Variants in ANKRD11 observed in about 807,000 individuals in gnomAD.
ANKRD11 encodes ankyrin repeat domain 11, also known as ankyrin repeat domain-containing protein 11.
In ANKRD11, 17 loss-of-function variants were observed where a neutral mutation model predicts 195.7. The ratio of observed to expected loss-of-function variants is 0.09; its 90% CI spans 0.06 to 0.13. The LOEUF is 0.13. Among genes scored for constraint, ANKRD11 ranks in the 10% least tolerant of loss-of-function variants. The probability of loss-of-function intolerance (pLI) is 1.00; values close to 1 mark genes in which losing one functional copy is unlikely to be tolerated. For synonymous variants in ANKRD11, 1,953 were observed against 1,528.1 expected (o/e 1.28, Z -6.49); for missense variants, 3,735 against 3,566.1 (o/e 1.05, Z -1.21).
chr16:89,297,903 A>T (rs2035552746), intron 4 of ANKRD11: 1 of 152,296 alleles, frequency 6.6e-6, no homozygotes, highest in African/African-American at 2.4e-5. Context: ...GAGCTGGGTC[A>T]TCTCTTACGC....
At chr16:89,344,438 C>T (rs1414284051) in intron 2 of ANKRD11, among the ~76,000 whole-genome samples, 1 of 152,224 alleles carries the variant, frequency 6.6e-6, no homozygotes, top group East Asian at 1.9e-4. Flanking sequence ...CGGGCCACTG[C>T]TGTCCACACA....
At chr16:89,381,388 T>A (rs948987668) in intron 2 of ANKRD11, among the ~76,000 whole-genome samples, 1 of 148,192 alleles carries the variant, frequency 6.7e-6, no homozygotes, top group African/African-American at 2.5e-5. Flanking sequence ...TTCAGACTAT[T>A]AGAAGCAAGA....
chr16:89,432,941 CCTATCTCTCTCTCT>C (rs1191678903), intron 1 of ANKRD11, among the ~76,000 whole-genome samples: 4 of 50,548 alleles, frequency 7.9e-5, no homozygotes, highest in African/African-American at 1.7e-4. Context: ...TGACAGAGAC[CCTATCTCTCTCTCT>C]CTCTCTCTCT....
chr16:89,295,095 G>A (rs984706864), intron 4 of ANKRD11, among the ~76,000 whole-genome samples: 1 of 152,214 alleles, frequency 6.6e-6, no homozygotes, highest in Non-Finnish European at 1.5e-5. Flanking sequence ...GACTAAGTGC[G>A]GCTACAGCAC....
chr16:89,288,928 G>A (rs1783149255), intron 6 of ANKRD11: 5 of 585,604 alleles, frequency 8.5e-6, no homozygotes, highest in Non-Finnish European at 1.2e-5. Context: ...CTAATCTGCG[G>A]CAATCACCCT....
intron 2 of ANKRD11, among the ~76,000 whole-genome samples, chr16:89,345,507 G>A (rs2038898895): frequency 6.6e-6 from 1 of 152,212 alleles, no homozygotes; most frequent in Non-Finnish European, 1.5e-5. Flanking sequence ...AGGCCCTCCA[G>A]TGGCCCCAGG....
chr16:89,473,593 G>C (rs759107455), intron 1 of ANKRD11, among the ~76,000 whole-genome samples: 8 of 152,230 alleles, frequency 5.3e-5, no homozygotes, highest in Non-Finnish European at 1.0e-4. Flanking sequence ...GTCCGGGAAT[G>C]CATGCAAATG....
At chr16:89,335,317 G>C (rs1169675874) in intron 2 of ANKRD11, among the ~76,000 whole-genome samples, 1 of 152,198 alleles carries the variant, frequency 6.6e-6, no homozygotes, top group South Asian at 2.1e-4. Flanking sequence ...GCTGCACAGA[G>C]GGCTCCAGTT....
Position 89,282,287 on chromosome 16 carries a change from T to C in ANKRD11, c.4255A>G (p.Thr1419Ala). Residue 1419 changes from threonine to alanine, a missense_variant, in exon 9 of 13, where the codon ACC becomes GCC. By Grantham distance (58) the Thr-to-Ala change is moderately conservative. Coordinates refer to ENST00000301030, the MANE Select transcript of ANKRD11 (RefSeq NM_013275.6). ...KADIEDELDK[T>A]IELFSTEKKD... The stretch of plus-strand genomic sequence containing the variant: ...TTTTCGGTAGAAAACAATTCAATGG[T>C]TTTATCTAGCTCATCTTCTATGTCA... The C allele has an allele frequency of 6.2e-7, 1 of 1,614,126 alleles. No homozygotes were observed. Among genetic ancestry groups the C allele is most frequent in the Non-Finnish European group, 8.5e-7 (1 of 1,180,022 alleles).
intron 3 of ANKRD11, among the ~76,000 whole-genome samples, chr16:89,307,833 C>A (rs1436915138): frequency 6.6e-6 from 1 of 152,272 alleles, no homozygotes; most frequent in African/African-American, 2.4e-5. Context: ...CAAGAACACT[C>A]CTGGCCCAGG....
intron 2 of ANKRD11, among the ~76,000 whole-genome samples, chr16:89,334,169 A>AAC (rs1555545508): frequency 0.04 from 4,327 of 107,306 alleles, 571 homozygotes; most frequent in African/African-American, 0.052. Context: ...AAAAAAAAAA[A>AAC]AAAACAGAGA....
At position 89,344,330 on chromosome 16, in the gene ANKRD11, G is replaced by C. The variant is rs1567677372; in HGVS notation, c.-59-27252C>G. On this transcript the variant is annotated intron_variant, in intron 2 of 12. Coordinates refer to ENST00000301030, the MANE Select transcript of ANKRD11 (RefSeq NM_013275.6). ...ATTATTTCCACATGGCAAACAAAGA[G>C]ACAGGAGCTGCAACCATCCAAAGAC... Among the ~76,000 whole-genome samples the C allele has an allele frequency of 2.0e-5, 3 of 152,166 alleles. No individual in the cohort carries two copies. In the South Asian group the frequency reaches 6.2e-4, roughly 32 times the overall value.
At chr16:89,470,416 C>A (rs1206890022) in intron 1 of ANKRD11, among the ~76,000 whole-genome samples, 1 of 152,132 alleles carries the variant, frequency 6.6e-6, no homozygotes, top group Non-Finnish European at 1.5e-5. Context: ...TTATCCAGGT[C>A]CAGGTCAACG....
intron 1 of ANKRD11, among the ~76,000 whole-genome samples, chr16:89,421,094 T>C (rs2042491655): frequency 6.6e-6 from 1 of 151,476 alleles, no homozygotes; most frequent in Admixed American, 6.6e-5. Flanking sequence ...GATGGGACCA[T>C]CACCCATCCA....
Position 89,284,669 on chromosome 16 carries a change from C to T in ANKRD11, c.1873G>A (p.Glu625Lys). ...AEGAVPKLDKEGKVVKKHKTK... is the reference protein window; with the variant it reads ...AEGAVPKLDKKGKVVKKHKTK... The stretch of plus-strand genomic sequence containing the variant: ...TTATGTTTTTTGACAACTTTCCCCT[C>T]CTTGTCCAGTTTGGGGACAGCGCCC... The change falls in exon 9 of 13, where the codon GAG (glutamate) becomes AAG (lysine). Residue 625 changes from glutamate (E) to lysine (K), a missense_variant. Glu to Lys is a moderately conservative substitution (Grantham distance 56). Transcript: ENST00000301030. 6.2e-7 allele frequency: 1 copy of T among 1,614,062 alleles called. No homozygotes were observed. The highest frequency in any genetic ancestry group is 8.5e-7 in the Non-Finnish European group (1 of 1,180,026).
At chr16:89,314,009 A>G (rs1334039525) in intron 3 of ANKRD11, among the ~76,000 whole-genome samples, 1 of 152,226 alleles carries the variant, frequency 6.6e-6, no homozygotes, top group Non-Finnish European at 1.5e-5. Flanking sequence ...GGATCACTTG[A>G]GCTCAGAAGC....
chr16:89,379,341 G>C (rs759270630), intron 2 of ANKRD11, among the ~76,000 whole-genome samples: 1 of 152,210 alleles, frequency 6.6e-6, no homozygotes, highest in African/African-American at 2.4e-5. Flanking sequence ...AATTTTAAAT[G>C]GCTCAAATCA....
rs187559927 is a variant in ANKRD11, at chr16:89,367,864, G to C, written c.-60+50420C>G. Among the ~76,000 whole-genome samples the C allele has an allele frequency of 4.3e-4, 66 of 152,234 alleles. 1 individual carries two copies. Among genetic ancestry groups the C allele is most frequent in the African/African-American group, 1.5e-3 (64 of 41,530 alleles). On this transcript the variant is annotated intron_variant, in intron 2 of 12. Coordinates refer to ENST00000301030, the MANE Select transcript of ANKRD11 (RefSeq NM_013275.6). Reference sequence around the variant, plus strand: ...CTCTACAAAAAACAAAAATCAGTCAGGCACGGTGGTGTGCTTGTGGTACCG... The same window carrying C: ...CTCTACAAAAAACAAAAATCAGTCACGCACGGTGGTGTGCTTGTGGTACCG...
At chr16:89,368,397 T>G (rs2040045874) in intron 2 of ANKRD11, among the ~76,000 whole-genome samples, 1 of 142,120 alleles carries the variant, frequency 7.0e-6, no homozygotes, top group Non-Finnish European at 1.5e-5. Flanking sequence ...TTTTTTTTTT[T>G]TTTTTAGTAG....
Sources: gnomAD v4.1 joint callset for allele counts (sites outside exome capture counted in the v4.1 genomes callset) on GRCh38, gnomAD v4.1.1 for gene constraint, MANE v1.5 for transcripts, NCBI Gene and HGNC (gene_info 2026-07-23, HGNC 2026-07-21) for gene names.